Variants in SAMD12 observed in about 807,000 individuals in gnomAD.
The protein encoded by SAMD12 is sterile alpha motif domain-containing protein 12.
In SAMD12, 9 loss-of-function variants were observed where a neutral mutation model predicts 15.0. The ratio of observed to expected loss-of-function variants is 0.60; its 90% CI spans 0.36 to 1.05. The LOEUF is 1.05. Among genes scored for constraint, SAMD12 ranks in the 50% least tolerant of loss-of-function variants. The probability of loss-of-function intolerance (pLI) is 0.01; values close to 1 mark genes in which losing one functional copy is unlikely to be tolerated. For missense variants in SAMD12, 230 were observed against 234.2 expected, an observed-to-expected ratio of 0.98 and a Z score of 0.12; for synonymous variants, 86 against 90.1, an observed-to-expected ratio of 0.96 and a Z score of 0.25.
At chr8:118,522,190 ACACACACATACACACACACACACACG>A (rs1825408275) in intron 2 of SAMD12, among the ~76,000 whole-genome samples, 1 of 90,316 alleles carries the variant, frequency 1.1e-5, no homozygotes, top group African/African-American at 5.1e-5. Context: ...ACACACACAC[ACACACACATACACACACACACACACG>A]ATAAAAAGAG....
At chr8:118,283,382 A>T (rs1447655295) in intron 4 of SAMD12, among the ~76,000 whole-genome samples, 4 of 152,166 alleles carry the variant, frequency 2.6e-5, no homozygotes, top group Non-Finnish European at 5.9e-5. Flanking sequence ...AAGGCAACAG[A>T]TTCTTATTTT....
chr8:118,221,860 T>C (rs1321020748), intron 4 of SAMD12, among the ~76,000 whole-genome samples: 1 of 152,226 alleles, frequency 6.6e-6, no homozygotes, highest in Non-Finnish European at 1.5e-5. Context: ...AATACTTAAT[T>C]GAGACCACAG....
chr8:118,442,790 T>C (rs913057673), intron 2 of SAMD12, among the ~76,000 whole-genome samples: 2 of 152,198 alleles, frequency 1.3e-5, no homozygotes, highest in African/African-American at 4.8e-5. Context: ...ATCACATCTT[T>C]TGAAAACTCC....
chr8:118,234,710 CA>C (rs10647591), intron 4 of SAMD12, among the ~76,000 whole-genome samples: 5,959 of 105,394 alleles, frequency 0.057, 160 homozygotes, highest in East Asian at 0.17. Flanking sequence ...GACTCCATCT[CA>C]AAAAAAAAAA....
chr8:118,496,593 T>C (rs1824618944), intron 2 of SAMD12, among the ~76,000 whole-genome samples: 2 of 152,028 alleles, frequency 1.3e-5, no homozygotes, highest in Admixed American at 1.3e-4. Context: ...AAAGCATAAA[T>C]ATAAAACCTC....
chr8:118,402,342 A>G (rs992574689), intron 3 of SAMD12, among the ~76,000 whole-genome samples: 1 of 152,244 alleles, frequency 6.6e-6, no homozygotes, highest in African/African-American at 2.4e-5. Flanking sequence ...TAAGGAGCAG[A>G]GCCCTTAATA....
At chr8:118,280,242 T>C (rs944775131) in intron 4 of SAMD12, among the ~76,000 whole-genome samples, 8 of 152,204 alleles carry the variant, frequency 5.3e-5, no homozygotes, top group Admixed American at 4.6e-4. Context: ...TTGTTCTTAG[T>C]CAAAATATTC....
intron 3 of SAMD12, among the ~76,000 whole-genome samples, chr8:118,433,412 C>CTTTTT (rs67140443): frequency 4.0e-5 from 6 of 148,190 alleles, no homozygotes; most frequent in Non-Finnish European, 7.5e-5. Flanking sequence ...TTGAAAGGGT[C>CTTTTT]TTTTTTTTTT....
chr8:118,150,891 G>C, the SAMD12 span, among the ~76,000 whole-genome samples: 1 of 152,002 alleles, frequency 6.6e-6, no homozygotes, highest in Non-Finnish European at 1.5e-5. Context: ...CATTTTGAAA[G>C]GTATTTTTTT....
chr8:118,136,468 A>G, the SAMD12 span, among the ~76,000 whole-genome samples: 2 of 152,206 alleles, frequency 1.3e-5, no homozygotes, highest in Non-Finnish European at 2.9e-5. Flanking sequence ...ACAGTTTTTC[A>G]AGTTGTAAAT....
At chr8:118,551,635 A>G (rs1285944677) in intron 2 of SAMD12, among the ~76,000 whole-genome samples, 2 of 151,806 alleles carry the variant, frequency 1.3e-5, no homozygotes, top group Non-Finnish European at 2.9e-5. Context: ...GCAAGAGCAA[A>G]CACATTCAAA....
At chr8:118,267,814 G>A (rs1482341945) in intron 4 of SAMD12, among the ~76,000 whole-genome samples, 1 of 151,934 alleles carries the variant, frequency 6.6e-6, no homozygotes. Context: ...CTAAAGGCTG[G>A]GCATGGTGGT....
intron 2 of SAMD12, among the ~76,000 whole-genome samples, chr8:118,564,188 C>A (rs1826784311): frequency 1.3e-5 from 2 of 151,870 alleles, no homozygotes; most frequent in Non-Finnish European, 2.9e-5. Flanking sequence ...ACCCATCCCC[C>A]CCTCACCCCC....
intron 4 of SAMD12, among the ~76,000 whole-genome samples, chr8:118,219,056 G>T (rs1034379583): frequency 1.2e-4 from 18 of 152,332 alleles, no homozygotes; most frequent in African/African-American, 4.3e-4. Context: ...GATGTGGCAT[G>T]AACTGTCTGG....
chr8:118,305,346 C>T (rs550895684), intron 4 of SAMD12, among the ~76,000 whole-genome samples: 1 of 152,166 alleles, frequency 6.6e-6, no homozygotes, highest in South Asian at 2.1e-4. Flanking sequence ...CCATTTCCAT[C>T]AATTTGCCTA....
At chr8:118,362,054 G>A (rs1435227457) in intron 4 of SAMD12, among the ~76,000 whole-genome samples, 2 of 151,986 alleles carry the variant, frequency 1.3e-5, no homozygotes, top group African/African-American at 4.8e-5. Flanking sequence ...GCTCTTCCAT[G>A]GGCTGCGGAA....
At chr8:118,253,332 C>T (rs565015090) in intron 4 of SAMD12, among the ~76,000 whole-genome samples, 3 of 152,136 alleles carry the variant, frequency 2.0e-5, no homozygotes, top group African/African-American at 7.2e-5. Context: ...GGTTTTCTTA[C>T]TACCAAAATG....
At chr8:118,614,805 T>C (rs1230531549) in intron 1 of SAMD12, among the ~76,000 whole-genome samples, 1 of 152,220 alleles carries the variant, frequency 6.6e-6, no homozygotes, top group Admixed American at 6.5e-5. Flanking sequence ...AGGCAAGCTG[T>C]ACAAGCAGAT....
intron 4 of SAMD12, among the ~76,000 whole-genome samples, chr8:118,228,655 G>T (rs953930957): frequency 1.3e-4 from 20 of 152,256 alleles, no homozygotes; most frequent in African/African-American, 4.1e-4. Context: ...TGGCTTGGAT[G>T]CAGTGATCAG....
Sources: gnomAD v4.1 joint callset for allele counts (sites outside exome capture counted in the v4.1 genomes callset) on GRCh38, gnomAD v4.1.1 for gene constraint, MANE v1.5 for transcripts, NCBI Gene and HGNC (gene_info 2026-07-23, HGNC 2026-07-21) for gene names.